Variants in TMEM9 observed in about 807,000 individuals in gnomAD.
The protein encoded by TMEM9 is transmembrane protein 9.
A neutral mutation model predicts 22.8 loss-of-function variants in TMEM9; 13 were observed. That is an observed-to-expected ratio of 0.57 (90% confidence interval 0.37 to 0.91). TMEM9 has a LOEUF of 0.91. Ranked by LOEUF, TMEM9 falls within the 40% of genes least tolerant of loss-of-function variation. The pLI, the probability that TMEM9 is intolerant of heterozygous loss-of-function variation, is 0.01. For missense variants in TMEM9, 182 were observed against 238.1 expected, an observed-to-expected ratio of 0.76 and a Z score of 1.55; for synonymous variants, 88 against 93.0, an observed-to-expected ratio of 0.95 and a Z score of 0.31.
chr1:201,151,132 G>A (rs1030943480), intron 2 of TMEM9, among the ~76,000 whole-genome samples: 2 of 152,108 alleles, frequency 1.3e-5, no homozygotes, highest in African/African-American at 4.8e-5. Flanking sequence ...CAATCATCGT[G>A]TGTCCCCAAG....
chr1:201,137,975 G>A (rs185578898), intron 4 of TMEM9, among the ~76,000 whole-genome samples: 109 of 152,288 alleles, frequency 7.2e-4, no homozygotes, highest in Admixed American at 2.8e-3. Context: ...CAGTGTGGCC[G>A]TCTACATGAG....
At chr1:201,142,235 A>G (rs1033922781) in intron 4 of TMEM9, among the ~76,000 whole-genome samples, 1 of 152,226 alleles carries the variant, frequency 6.6e-6, no homozygotes, top group Non-Finnish European at 1.5e-5. Context: ...GCATGTGCGC[A>G]GGGTGGGGCA....
chr1:201,138,395 T>C (rs1377285664), intron 4 of TMEM9, among the ~76,000 whole-genome samples: 6 of 152,154 alleles, frequency 3.9e-5, no homozygotes, highest in Admixed American at 6.6e-5. Context: ...TAAAAGGTAT[T>C]AAAGACTCCA....
At chr1:201,152,205 A>C (rs978877898) in intron 1 of TMEM9, among the ~76,000 whole-genome samples, 3 of 151,814 alleles carry the variant, frequency 2.0e-5, no homozygotes, top group African/African-American at 7.3e-5. Context: ...CCCAGACCCC[A>C]CACTTGTGTG....
chr1:201,163,695 T>C (rs1043794328), intron 1 of TMEM9, among the ~76,000 whole-genome samples: 1 of 149,984 alleles, frequency 6.7e-6, no homozygotes, highest in South Asian at 2.1e-4. Context: ...TCTATCAGAA[T>C]GGCTAAAATA....
rs190828474 is a variant in TMEM9 at position 201,134,900 on chromosome 1, G to A, written c.*763C>T. 6.5e-6 allele frequency: 1 copy of A among 152,946 alleles called. No homozygotes were observed. The highest frequency in any genetic ancestry group is 6.5e-5 in the Admixed American group (1 of 15,306). 9.5% of individuals were successfully genotyped at this position (152,946 alleles called of 1,614,324 possible). A position where few individuals can be genotyped will look rare whatever the true frequency, so the allele number is the denominator to read the frequency against. ...GGACAAGAGGCAACCCAAGTACAGG[G>A]GCTGTGGTGTTCAGATCCACGCTCA... On this transcript the variant is annotated 3_prime_UTR_variant, in exon 5 of 5. Coordinates refer to ENST00000367330, the MANE Select transcript of TMEM9 (RefSeq NM_001288565.2).
At chr1:201,155,686 G>A (rs1572135442), upstream of TMEM9, among the ~76,000 whole-genome samples, 1 of 152,132 alleles carries the variant, frequency 6.6e-6, no homozygotes, top group Non-Finnish European at 1.5e-5. Context: ...CAGGAATCCT[G>A]GTTCCTCCCT....
chr1:201,137,103 C>A lies in TMEM9; in HGVS notation c.400-1288G>T, dbSNP rs16847803. Among the ~76,000 whole-genome samples, 499 of 152,382 alleles carry A rather than the reference C, an allele frequency of 3.3e-3. 2 individuals carry two copies. The highest frequency in any genetic ancestry group is 0.011 in the African/African-American group (477 of 41,600). Reference sequence around the variant, plus strand: ...GATGGACACTGCCTTCTGGGAGCCTCCCGCCCAGGTCCTGAGGAAGGCTTC... The same window carrying A: ...GATGGACACTGCCTTCTGGGAGCCTACCGCCCAGGTCCTGAGGAAGGCTTC... On this transcript the variant is annotated intron_variant, in intron 4 of 4. Transcript: ENST00000367330.
chr1:201,141,380 T>G (rs1416204665), intron 4 of TMEM9, among the ~76,000 whole-genome samples: 2 of 152,118 alleles, frequency 1.3e-5, no homozygotes, highest in Non-Finnish European at 2.9e-5. Flanking sequence ...ACCACAGACA[T>G]CTGTGACCTG....
chr1:201,138,581 C>T (rs1664221541), intron 4 of TMEM9, among the ~76,000 whole-genome samples: 1 of 152,166 alleles, frequency 6.6e-6, no homozygotes, highest in Admixed American at 6.5e-5. Flanking sequence ...GGAGCCCCTC[C>T]CAATCAGAAA....
chr1:201,156,823 A>G (rs935502627), upstream of TMEM9, among the ~76,000 whole-genome samples: 1 of 152,240 alleles, frequency 6.6e-6, no homozygotes, highest in African/African-American at 2.4e-5. Flanking sequence ...GCCAAACTCC[A>G]GGGCTCACAG....
At chr1:201,141,550 G>A (rs1293886629) in intron 4 of TMEM9, among the ~76,000 whole-genome samples, 1 of 152,168 alleles carries the variant, frequency 6.6e-6, no homozygotes, top group Non-Finnish European at 1.5e-5. Context: ...GGGTATCAAA[G>A]AGATTAAACA....
chr1:201,150,925 C>T (rs1221311848), intron 2 of TMEM9, among the ~76,000 whole-genome samples: 1 of 152,174 alleles, frequency 6.6e-6, no homozygotes, highest in Non-Finnish European at 1.5e-5. Flanking sequence ...GTGCTCGGGG[C>T]CCTCCAAGAA....
upstream of TMEM9, among the ~76,000 whole-genome samples, chr1:201,159,059 A>G (rs1307431234): frequency 6.6e-6 from 1 of 152,170 alleles, no homozygotes; most frequent in African/African-American, 2.4e-5. Flanking sequence ...TCAAGCTCCT[A>G]TGAGATGATT....
At chr1:201,164,520 T>G (rs951166787) in intron 1 of TMEM9, among the ~76,000 whole-genome samples, 1 of 152,234 alleles carries the variant, frequency 6.6e-6, no homozygotes, top group African/African-American at 2.4e-5. Flanking sequence ...ATTGCCAGTA[T>G]TTGACTGCTT....
chr1:201,166,177 T>C (rs1196826034), intron 1 of TMEM9, among the ~76,000 whole-genome samples: 1 of 152,180 alleles, frequency 6.6e-6, no homozygotes, highest in Non-Finnish European at 1.5e-5. Flanking sequence ...GTTGCTTTCT[T>C]GCAATGTGTT....
upstream of TMEM9, among the ~76,000 whole-genome samples, chr1:201,158,230 A>G (rs1299407209): frequency 1.1e-4 from 17 of 152,166 alleles, no homozygotes. Context: ...AGCCCTGTAG[A>G]CACCCTGATT....
intron 1 of TMEM9, among the ~76,000 whole-genome samples, chr1:201,162,920 TAA>T (rs59156640): frequency 0.048 from 7,353 of 152,002 alleles, 457 homozygotes; most frequent in African/African-American, 0.14. Flanking sequence ...GACATTTCAC[TAA>T]AGAGGATATA....
At chr1:201,171,000 A>G (rs537651922) in intron 1 of TMEM9, among the ~76,000 whole-genome samples, 60 of 152,312 alleles carry the variant, frequency 3.9e-4, no homozygotes, top group Non-Finnish European at 7.6e-4. Flanking sequence ...TAAGATTGAG[A>G]TTCTCTCACC....
Sources: allele counts gnomAD v4.1 joint callset (sites outside exome capture counted in the v4.1 genomes callset), GRCh38; gene constraint gnomAD v4.1.1; transcripts MANE v1.5; gene names NCBI Gene and HGNC (gene_info 2026-07-23, HGNC 2026-07-21).